BAZ2B: variants seen among roughly 807,000 people sequenced by gnomAD.
BAZ2B encodes the protein bromodomain adjacent to zinc finger domain protein 2B.
Under a neutral mutation model 246.0 loss-of-function variants are expected in BAZ2B, and 91 were observed. The observed-to-expected ratio is 0.37, with a 90% CI of 0.31 to 0.44. The LOEUF (loss-of-function observed/expected upper bound fraction) is 0.44. Ranked by LOEUF, BAZ2B falls within the 20% of genes least tolerant of loss-of-function variation. The probability of loss-of-function intolerance (pLI) is 1.00; values close to 1 mark genes in which losing one functional copy is unlikely to be tolerated. For missense variants in BAZ2B, 2,332 were observed against 2,533.7 expected (o/e 0.92, Z 1.71); for synonymous variants, 855 against 860.0 (o/e 0.99, Z 0.10).
intron 6 of BAZ2B, among the ~76,000 whole-genome samples, chr2:159,443,151 T>G (rs73967871): frequency 0.026 from 3,908 of 152,274 alleles, 141 homozygotes; most frequent in African/African-American, 0.088. Context: ...TTCCCTAACA[T>G]GTGATACTTT....
intron 26 of BAZ2B, 31 bp from the exon 27 acceptor site, chr2:159,373,220 T>A: frequency 1.3e-6 from 2 of 1,582,438 alleles, no homozygotes; most frequent in Non-Finnish European, 1.7e-6. Context: ...ATAATTAGGT[T>A]TGGGATGTTA....
intron 2 of BAZ2B, among the ~76,000 whole-genome samples, chr2:159,486,490 G>C (rs1254679923): frequency 6.6e-6 from 1 of 151,602 alleles, no homozygotes; most frequent in African/African-American, 2.4e-5. Flanking sequence ...TAATAGGAAA[G>C]ATGCAGAACC....
chr2:159,521,583 T>C (rs2084139269), intron 2 of BAZ2B, among the ~76,000 whole-genome samples: 1 of 152,110 alleles, frequency 6.6e-6, no homozygotes, highest in African/African-American at 2.4e-5. Flanking sequence ...TTTGAATCGT[T>C]TGTTCTTACT....
chr2:159,382,875 A>C, intron 24 of BAZ2B, 73 bp from the exon 25 acceptor site: 1 of 1,526,208 alleles, frequency 6.6e-7, no homozygotes, highest in Non-Finnish European at 8.8e-7. Flanking sequence ...GCAAAACATG[A>C]GTTGTATGCA....
chr2:159,557,849 A>G (rs951742582), intron 1 of BAZ2B, among the ~76,000 whole-genome samples: 5 of 152,220 alleles, frequency 3.3e-5, no homozygotes, highest in African/African-American at 1.2e-4. Context: ...ATTACTATCT[A>G]TTTAAAGAAA....
At chr2:159,636,869 G>C in the BAZ2B span, among the ~76,000 whole-genome samples, 1 of 152,160 alleles carries the variant, frequency 6.6e-6, no homozygotes, top group Non-Finnish European at 1.5e-5. Context: ...CAATAGGATA[G>C]GGCACTGGGC....
At chr2:159,709,477 C>G in the BAZ2B span, among the ~76,000 whole-genome samples, 1 of 152,160 alleles carries the variant, frequency 6.6e-6, no homozygotes, top group African/African-American at 2.4e-5. Context: ...ACACAGAAGT[C>G]ATAAATGTTC....
intron 1 of BAZ2B, among the ~76,000 whole-genome samples, chr2:159,594,331 C>G (rs1249964905): frequency 6.6e-6 from 1 of 152,100 alleles, no homozygotes; most frequent in Non-Finnish European, 1.5e-5. Context: ...GGCATGAACC[C>G]GGGAGGCGGA....
intron 14 of BAZ2B, chr2:159,411,772 T>G (rs1395309304): frequency 9.7e-6 from 2 of 206,042 alleles, no homozygotes; most frequent in Non-Finnish European, 1.7e-5. Flanking sequence ...ATCAGCACTT[T>G]GAGCTTGATA....
chr2:159,374,626 C>G, intron 26 of BAZ2B, 65 bp downstream of exon 26: 1 of 1,400,610 alleles, frequency 7.1e-7, no homozygotes. Context: ...AAAAACTAAT[C>G]CCCTTACAAT....
chr2:159,583,119 T>G, intron 1 of BAZ2B, among the ~76,000 whole-genome samples: 1 of 148,600 alleles, frequency 6.7e-6, no homozygotes, highest in African/African-American at 2.4e-5. Context: ...TTTCTTTTTT[T>G]TTTTTTTTTG....
chr2:159,666,292 C>T, the BAZ2B span, among the ~76,000 whole-genome samples: 1 of 141,878 alleles, frequency 7.0e-6, no homozygotes, highest in Non-Finnish European at 1.5e-5. Context: ...CAGGGTCTCG[C>T]TCTGTCGCCC....
At chr2:159,501,191 TAATATATA>T (rs2081737496) in intron 2 of BAZ2B, among the ~76,000 whole-genome samples, 1 of 104,486 alleles carries the variant, frequency 9.6e-6, no homozygotes, top group Non-Finnish European at 1.9e-5. Flanking sequence ...TATTTATATA[TAATATATA>T]TATTTTTATA....
intron 27 of BAZ2B, among the ~76,000 whole-genome samples, chr2:159,370,619 G>A (rs375825634): frequency 1.4e-4 from 21 of 151,916 alleles, no homozygotes; most frequent in Non-Finnish European, 2.4e-4. Context: ...TGATCCGCCC[G>A]TCTCCGCCTC....
the BAZ2B span, among the ~76,000 whole-genome samples, chr2:159,684,246 G>C: frequency 6.6e-6 from 1 of 152,178 alleles, no homozygotes; most frequent in South Asian, 2.1e-4. Context: ...TAGGGTTTTT[G>C]ACAAGCATGA....
intron 1 of BAZ2B, among the ~76,000 whole-genome samples, chr2:159,614,887 G>GC (rs1222128239): frequency 6.6e-6 from 1 of 152,082 alleles, no homozygotes. Flanking sequence ...ACGTCACTGG[G>GC]CCCCCTGAAC....
intron 3 of BAZ2B, among the ~76,000 whole-genome samples, chr2:159,465,955 G>A (rs1485117931): frequency 1.3e-5 from 2 of 151,802 alleles, no homozygotes; most frequent in African/African-American, 4.8e-5. Flanking sequence ...AGGATGTATA[G>A]ATGCCTACAA....
At chr2:159,412,301 T>A (rs747430720) in intron 14 of BAZ2B, 34 bp downstream of exon 14, 39 of 1,586,714 alleles carry the variant, frequency 2.5e-5, no homozygotes, top group Non-Finnish European at 3.1e-5. Context: ...CTTTTTAGTA[T>A]GATTATTAGT....
Position 159,347,499 on chromosome 2 carries a change from C to G in BAZ2B, c.5441G>C (p.Ser1814Thr), listed in dbSNP as rs766194233. 6.2e-7 allele frequency: 1 copy of G among 1,613,680 alleles called. No individual in the cohort carries two copies. The highest frequency in any genetic ancestry group is 1.1e-5 in the South Asian group (1 of 91,048). Residue 1814 changes from serine (S) to threonine (T), a missense_variant, in exon 31 of 37, where the codon AGT becomes ACT. This residue lies in a region of BAZ2B where 676 missense variants were observed against 668.6 expected (regional missense o/e 1.01). Transcript: ENST00000392783. ...AGTCGATTTTACCTTCACTTGCAAA[C>G]TTGCTGATGCAACTCTCCTTTCTAG... The part of the protein sequence containing the change: ...EDLERRVASA[S>T]LQVKGWMCPE...
Sources: gnomAD v4.1 joint callset for allele counts (sites outside exome capture counted in the v4.1 genomes callset) on GRCh38, gnomAD v4.1.1 for gene constraint, gnomAD v4.1.1 regional missense constraint, MANE v1.5 for transcripts, NCBI Gene and HGNC (gene_info 2026-07-23, HGNC 2026-07-21) for gene names.